ROBO1: variants seen among roughly 807,000 people sequenced by gnomAD.
The protein encoded by ROBO1 is roundabout guidance receptor 1.
A neutral mutation model predicts 195.9 loss-of-function variants in ROBO1; 149 were observed. The observed-to-expected ratio is 0.76, with a 90% CI of 0.67 to 0.87. The LOEUF (loss-of-function observed/expected upper bound fraction) is 0.87. ROBO1 is among the 40% of genes least tolerant of loss of function. The pLI, the probability that ROBO1 is intolerant of heterozygous loss-of-function variation, is 0.00. For synonymous variants in ROBO1, 816 were observed against 733.2 expected (o/e 1.11, Z -1.82); for missense variants, 1,933 against 2,068.3 (o/e 0.93, Z 1.27).
intron 2 of ROBO1, among the ~76,000 whole-genome samples, chr3:79,289,941 TGAAGGTACACATTTACA>T (rs2032140020): frequency 6.6e-6 from 1 of 152,218 alleles, no homozygotes; most frequent in South Asian, 2.1e-4. Context: ...ATGGTCTCTC[TGAAGGTACACATTTACA>T]GAAGAACAAA....
At chr3:79,196,278 T>C (rs2081632948) in intron 2 of ROBO1, among the ~76,000 whole-genome samples, 1 of 149,744 alleles carries the variant, frequency 6.7e-6, no homozygotes, top group African/African-American at 2.4e-5. Context: ...GAGTTTCTTT[T>C]TTTTTTTTTT....
In ROBO1 at chr3:79,287,994, T is replaced by C. The variant is rs549493563; in HGVS notation, c.89-162455A>G. ...TGAAACAAAAGAATGCCTAACTGTA[T>C]TTTTGTATAAAAATACAGCTTAAAT... On this transcript the variant is annotated intron_variant, in intron 2 of 30. Transcript: ENST00000464233. 4.6e-5 allele frequency among the ~76,000 whole-genome samples: 7 copies of C among 152,262 alleles called. No homozygotes were observed. The South Asian group carries it at 1.2e-3, about 27-fold the overall frequency.
chr3:79,519,232 A>C (rs557372747), intron 2 of ROBO1, among the ~76,000 whole-genome samples: 9 of 152,060 alleles, frequency 5.9e-5, no homozygotes, highest in Non-Finnish European at 1.3e-4. Context: ...TGGCGCTGAA[A>C]ATTTCAGCTC....
At chr3:78,707,747 C>G (rs1299568173) in intron 8 of ROBO1, among the ~76,000 whole-genome samples, 1 of 152,114 alleles carries the variant, frequency 6.6e-6, no homozygotes, top group Non-Finnish European at 1.5e-5. Context: ...TTGACCCATT[C>G]TGTGAGAAGC....
At chr3:79,495,387 C>A (rs1171456965) in intron 2 of ROBO1, among the ~76,000 whole-genome samples, 1 of 152,092 alleles carries the variant, frequency 6.6e-6, no homozygotes, top group Admixed American at 6.5e-5. Flanking sequence ...ATATGTAATT[C>A]CTTCTTGAAA....
intron 3 of ROBO1, among the ~76,000 whole-genome samples, chr3:79,008,895 G>GTGTA (rs1406285307): frequency 6.9e-6 from 1 of 144,654 alleles, no homozygotes; most frequent in Admixed American, 6.9e-5. Context: ...AGCCGTGTGT[G>GTGTA]TGTGTGTGTG....
chr3:79,261,298 G>C, intron 2 of ROBO1, among the ~76,000 whole-genome samples: 1 of 151,924 alleles, frequency 6.6e-6, no homozygotes, highest in East Asian at 1.9e-4. Context: ...ATTGTATTTT[G>C]CTTTTATTTT....
At chr3:78,963,599 A>G (rs2041516281) in intron 3 of ROBO1, among the ~76,000 whole-genome samples, 1 of 139,262 alleles carries the variant, frequency 7.2e-6, no homozygotes, top group Non-Finnish European at 1.5e-5. Context: ...GCTCACTGCA[A>G]GCTCCGCCTC....
chr3:79,166,613 T>C (rs186826242), intron 2 of ROBO1, among the ~76,000 whole-genome samples: 5 of 150,714 alleles, frequency 3.3e-5, no homozygotes, highest in Admixed American at 2.7e-4. Context: ...TCGCACAGGC[T>C]GGAGTGCAGT....
At chr3:79,533,400 T>C (rs1236650668) in intron 2 of ROBO1, among the ~76,000 whole-genome samples, 4 of 152,174 alleles carry the variant, frequency 2.6e-5, no homozygotes, top group Non-Finnish European at 4.4e-5. Flanking sequence ...ATATTTAGTT[T>C]TTTCTTTCTT....
intron 5 of ROBO1, among the ~76,000 whole-genome samples, chr3:78,744,091 T>C (rs1348952421): frequency 6.6e-6 from 1 of 152,184 alleles, no homozygotes; most frequent in East Asian, 1.9e-4. Flanking sequence ...AATTACCATG[T>C]CTAAAACTAA....
At chr3:79,176,666 C>A (rs2124389) in intron 2 of ROBO1, among the ~76,000 whole-genome samples, 13,428 of 152,070 alleles carry the variant, frequency 0.088, 1,022 homozygotes, top group African/African-American at 0.2. Context: ...CCATTTTAGC[C>A]AGGCTGGTCT....
At chr3:78,898,668 A>T (rs1031564528) in intron 4 of ROBO1, among the ~76,000 whole-genome samples, 6 of 151,828 alleles carry the variant, frequency 4.0e-5, no homozygotes, top group African/African-American at 1.5e-4. Flanking sequence ...GGATTACAGG[A>T]GTGAGCCACC....
chr3:79,187,893 A>T (rs1346509461), intron 2 of ROBO1, among the ~76,000 whole-genome samples: 4 of 152,038 alleles, frequency 2.6e-5, no homozygotes, highest in Admixed American at 2.0e-4. Flanking sequence ...CTGAGGAGGC[A>T]GGAAACCTAG....
intron 29 of ROBO1, among the ~76,000 whole-genome samples, chr3:78,603,855 G>A (rs561366873): frequency 9.9e-5 from 15 of 152,020 alleles, no homozygotes; most frequent in African/African-American, 3.6e-4. Flanking sequence ...ATGATTCCAT[G>A]GGTTCCTTGT....
chr3:79,196,570 T>A (rs2081641713), intron 2 of ROBO1, among the ~76,000 whole-genome samples: 1 of 151,790 alleles, frequency 6.6e-6, no homozygotes, highest in Non-Finnish European at 1.5e-5. Flanking sequence ...CTACAATGGC[T>A]ACCCAATTTT....
intron 5 of ROBO1, among the ~76,000 whole-genome samples, chr3:78,718,292 A>G (rs559446242): frequency 6.6e-6 from 1 of 152,346 alleles, no homozygotes; most frequent in South Asian, 2.1e-4. Flanking sequence ...TGTATTAGCT[A>G]TAAGTGATTT....
chr3:79,545,192 G>C (rs1361794248), intron 2 of ROBO1, among the ~76,000 whole-genome samples: 1 of 152,076 alleles, frequency 6.6e-6, no homozygotes, highest in South Asian at 2.1e-4. Context: ...TGGACACATC[G>C]TGAATTCACT....
At position 79,418,449 on chromosome 3, in the gene ROBO1, G is replaced by GAAAAATGTGT. The variant is rs2038095996; in HGVS notation, c.88+171374_88+171375insACACATTTTT. On this transcript the variant is annotated intron_variant, in intron 2 of 30. Transcript: ENST00000464233. Reference sequence around the variant, plus strand: ...AAAATGAATTTATTGTGTCCCTAATGCCATGATCAATGAAAAAATCTTCAG... The same window carrying GAAAAATGTGT: ...AAAATGAATTTATTGTGTCCCTAATGAAAAATGTGTCCATGATCAATGAAAAAATCTTCAG... Among the ~76,000 whole-genome samples the GAAAAATGTGT allele has an allele frequency of 5.9e-5, 9 of 152,050 alleles. No homozygotes were observed. The South Asian group carries it at 1.9e-3, about 32-fold the overall frequency.
Sources: gnomAD v4.1 joint callset for allele counts (sites outside exome capture counted in the v4.1 genomes callset) on GRCh38, gnomAD v4.1.1 for gene constraint, MANE v1.5 for transcripts, NCBI Gene and HGNC (gene_info 2026-07-23, HGNC 2026-07-21) for gene names.